RNF145: variants seen among roughly 807,000 people sequenced by gnomAD.
The protein encoded by RNF145 is ring finger protein 145.
Under a neutral mutation model 57.3 loss-of-function variants are expected in RNF145, and 12 were observed. The ratio of observed to expected loss-of-function variants is 0.21; its 90% CI spans 0.13 to 0.34. RNF145 has a LOEUF of 0.34. RNF145 is among the 10% of genes least tolerant of loss of function. The pLI is 1.00. For synonymous variants in RNF145, 262 were observed against 288.3 expected (o/e 0.91, Z 0.92); for missense variants, 429 against 799.0 (o/e 0.54, Z 5.58).
chr5:159,162,563 T>C (rs546513219), intron 9 of RNF145, among the ~76,000 whole-genome samples: 8 of 150,962 alleles, frequency 5.3e-5, no homozygotes, highest in Admixed American at 2.0e-4. Context: ...GCCTCCCGAG[T>C]AGCTGGGACT....
chr5:159,204,174 C>T (rs953652357), intron 1 of RNF145, among the ~76,000 whole-genome samples: 4 of 152,166 alleles, frequency 2.6e-5, no homozygotes, highest in Non-Finnish European at 5.9e-5. Context: ...AATTTACAAT[C>T]CAGAGAACTC....
intron 9 of RNF145, 35 bp from the exon 10 acceptor site, chr5:159,161,657 T>A: frequency 1.7e-6 from 2 of 1,209,098 alleles, no homozygotes; most frequent in Non-Finnish European, 2.4e-6. Context: ...TATCTTGAAA[T>A]ATGATCACTA....
chr5:159,209,364 G>C lies in RNF145; in HGVS notation c.-173C>G. 1 of 985,914 alleles carries C rather than the reference G, an allele frequency of 1.0e-6. No homozygotes were observed. The highest frequency in any genetic ancestry group is 1.2e-6 in the Non-Finnish European group (1 of 829,946). The allele number at this position is 985,914 out of a possible 1,614,324, so 61.1% of individuals were successfully genotyped here. A position where few individuals can be genotyped will look rare whatever the true frequency, so the allele number is the denominator to read the frequency against. ...CCGGTACGGCACGGCTCACAGCGGC[G>C]GCTCTTCTGCGCCGAGCCTCGGATG... On this transcript the variant is annotated 5_prime_UTR_variant, in exon 1 of 11. Coordinates refer to ENST00000424310, the MANE Select transcript of RNF145 (RefSeq NM_001199383.2).
intron 1 of RNF145, chr5:159,207,918 G>T (rs79661254): frequency 1.2e-6 from 2 of 1,610,994 alleles, no homozygotes; most frequent in Non-Finnish European, 1.7e-6. Context: ...CCTGGGTCAC[G>T]ACTGCAGCAC....
In RNF145 at chr5:159,191,298, A is replaced by G. The variant is rs574933568; in HGVS notation, c.293+3418T>C. Among the ~76,000 whole-genome samples the G allele has an allele frequency of 7.2e-5, 11 of 152,276 alleles. No individual in the cohort carries two copies. In the East Asian group the frequency reaches 1.9e-3, roughly 27 times the overall value. ...TCTAAAGTTAATTTTCCTTTCTACT[A>G]ACCATGCTGCCTACCTAAGTGGAAT... On this transcript the variant is annotated intron_variant, in intron 3 of 10. Coordinates refer to ENST00000424310, the MANE Select transcript of RNF145 (RefSeq NM_001199383.2).
intron 2 of RNF145, among the ~76,000 whole-genome samples, chr5:159,199,318 A>G (rs1389266122): frequency 6.6e-6 from 1 of 151,920 alleles, no homozygotes; most frequent in Non-Finnish European, 1.5e-5. Context: ...CAATATCAAC[A>G]CTTGAGAAGT....
In RNF145 at chr5:159,196,326, C is replaced by A. The variant is rs1283140590; in HGVS notation, c.185-1502G>T. ...AAGACAATTATTTTCCTAATGTGGT[C>A]CAGGGAAGCCAAAAGATTGGACACC... On this transcript the variant is annotated intron_variant, in intron 2 of 10. Coordinates refer to ENST00000424310, the MANE Select transcript of RNF145 (RefSeq NM_001199383.2). 5.3e-5 allele frequency among the ~76,000 whole-genome samples: 8 copies of A among 150,566 alleles called. No individual in the cohort carries two copies. The East Asian group carries it at 5.9e-4, about 11-fold the overall frequency.
At chr5:159,177,531 T>G (rs762351391) in intron 4 of RNF145, among the ~76,000 whole-genome samples, 4 of 152,066 alleles carry the variant, frequency 2.6e-5, no homozygotes, top group Non-Finnish European at 5.9e-5. Context: ...TGGGGTACAC[T>G]GAATGTATGT....
intron 8 of RNF145, among the ~76,000 whole-genome samples, chr5:159,165,348 T>C (rs1784357251): frequency 2.0e-5 from 3 of 152,228 alleles, no homozygotes. Flanking sequence ...CTATATGTAT[T>C]TCTAAGTATT....
chr5:159,173,141 G>C (rs1441790574), intron 6 of RNF145, among the ~76,000 whole-genome samples: 1 of 151,926 alleles, frequency 6.6e-6, no homozygotes, highest in African/African-American at 2.4e-5. Flanking sequence ...AATTATTTTG[G>C]GTTAGTCCAA....
Position 159,209,544 on chromosome 5 carries a change from G to A in RNF145, c.-353C>T, listed in dbSNP as rs1266126296. ...TCCTGCGTTTGCTCCTCCCGCCCCC[G>A]GCGCTCTGCGGCGGCCGCGGCCCGA... On this transcript the variant is annotated 5_prime_UTR_variant, in exon 1 of 11. Coordinates refer to ENST00000424310, the MANE Select transcript of RNF145 (RefSeq NM_001199383.2). 12 of 981,290 alleles carry A rather than the reference G, an allele frequency of 1.2e-5. No individual in the cohort carries two copies. In the South Asian group the frequency reaches 1.4e-4, roughly 11 times the overall value. The allele number at this position is 981,290 out of a possible 1,614,324, so 60.8% of individuals were successfully genotyped here.
chr5:159,193,248 A>C (rs1785347062), intron 3 of RNF145, among the ~76,000 whole-genome samples: 1 of 152,222 alleles, frequency 6.6e-6, no homozygotes, highest in African/African-American at 2.4e-5. Context: ...TGAGGATTGC[A>C]AGAAATGCAA....
rs190575246 is a variant in RNF145 at position 159,171,450 on chromosome 5, T to C, written c.798-1631A>G. Among the ~76,000 whole-genome samples the C allele has an allele frequency of 2.6e-5, 4 of 152,258 alleles. No homozygotes were observed. The East Asian group carries it at 5.8e-4, about 22-fold the overall frequency. ...AATTACGTATTCAAACAGAGCACTT[T>C]CCTTTTCTCTTATTTTAGAAAAAAA... On this transcript the variant is annotated intron_variant, in intron 6 of 10. Transcript: ENST00000424310.
intron 1 of RNF145, among the ~76,000 whole-genome samples, chr5:159,206,364 A>G (rs1326418136): frequency 6.6e-6 from 1 of 152,214 alleles, no homozygotes; most frequent in East Asian, 1.9e-4. Flanking sequence ...TGGAAAATCA[A>G]AGAGAAAAAA....
chr5:159,208,791 G>A (rs1260453219), intron 1 of RNF145, among the ~76,000 whole-genome samples: 1 of 151,998 alleles, frequency 6.6e-6, no homozygotes, highest in East Asian at 1.9e-4. Flanking sequence ...GGGCCGCTCT[G>A]GAAGGGTCTT....
At position 159,209,504 on chromosome 5, in the gene RNF145, T is replaced by TCGGCGTCGGCGGCTG. The variant is rs1554148176; in HGVS notation, c.-314_-313insCAGCCGCCGACGCCG. The TCGGCGTCGGCGGCTG allele has an allele frequency of 1.1e-6, 1 of 944,594 alleles. No individual in the cohort carries two copies. The highest frequency in any genetic ancestry group is 1.8e-5 in the African/African-American group (1 of 55,764). The allele number at this position is 944,594 out of a possible 1,614,324, so 58.5% of individuals were successfully genotyped here. A position where few individuals can be genotyped will look rare whatever the true frequency, so the allele number is the denominator to read the frequency against. On this transcript the variant is annotated 5_prime_UTR_variant, in exon 1 of 11. Transcript: ENST00000424310. ...AGCCCCTTAGCAGCCGGCGCCGGCG[T>TCGGCGTCGGCGGCTG]CGGCGGCCATGGCCTCCTGCGTTTG...
At chr5:159,170,852 A>G (rs1431649803) in intron 6 of RNF145, among the ~76,000 whole-genome samples, 1 of 152,326 alleles carries the variant, frequency 6.6e-6, no homozygotes, top group Non-Finnish European at 1.5e-5. Context: ...CGGCCTCCCA[A>G]CGTATTGGGA....
chr5:159,177,568 C>A (rs1039540433), intron 4 of RNF145, among the ~76,000 whole-genome samples: 1 of 151,956 alleles, frequency 6.6e-6, no homozygotes, highest in Non-Finnish European at 1.5e-5. Flanking sequence ...TTAGCCCTTT[C>A]CAAATATTCC....
intron 8 of RNF145, among the ~76,000 whole-genome samples, chr5:159,166,984 T>A (rs895309307): frequency 1.3e-5 from 2 of 151,954 alleles, no homozygotes; most frequent in African/African-American, 4.8e-5. Flanking sequence ...AATAAATAAA[T>A]AAAATAGGGA....
Sources: allele counts gnomAD v4.1 joint callset (sites outside exome capture counted in the v4.1 genomes callset), GRCh38; gene constraint gnomAD v4.1.1; transcripts MANE v1.5; gene names NCBI Gene and HGNC (gene_info 2026-07-23, HGNC 2026-07-21).